The following HTR4 variants were observed in gnomAD, a reference collection of about 807,000 sequenced individuals.
The protein encoded by HTR4 is 5-hydroxytryptamine receptor 4.
A neutral mutation model predicts 36.8 loss-of-function variants in HTR4; 16 were observed. The ratio of observed to expected loss-of-function variants is 0.43; its 90% CI spans 0.29 to 0.66. HTR4 has a LOEUF of 0.66. HTR4 is among the 30% of genes least tolerant of loss of function. The pLI is 0.13. For synonymous variants in HTR4, 189 were observed against 185.1 expected, an observed-to-expected ratio of 1.02 and a Z score of -0.17; for missense variants, 438 against 490.9, an observed-to-expected ratio of 0.89 and a Z score of 1.02.
chr5:148,605,160 G>T (rs1752094551), intron 2 of HTR4, among the ~76,000 whole-genome samples: 1 of 152,016 alleles, frequency 6.6e-6, no homozygotes, highest in Non-Finnish European at 1.5e-5. Context: ...CTGTGGCCGG[G>T]ACATTCCCCT....
chr5:148,618,856 G>C (rs1752806817), intron 2 of HTR4, among the ~76,000 whole-genome samples: 1 of 152,220 alleles, frequency 6.6e-6, no homozygotes, highest in Non-Finnish European at 1.5e-5. Flanking sequence ...CAAATTGCCT[G>C]TTATTATGAC....
chr5:148,638,915 T>C (rs1474709694), intron 1 of HTR4, among the ~76,000 whole-genome samples: 2 of 151,326 alleles, frequency 1.3e-5, no homozygotes, highest in African/African-American at 4.9e-5. Flanking sequence ...GGCGTGGTGA[T>C]ATATGCCTGT....
chr5:148,505,727 T>A (rs1336952205), intron 6 of HTR4, among the ~76,000 whole-genome samples: 2 of 151,970 alleles, frequency 1.3e-5, no homozygotes, highest in Non-Finnish European at 2.9e-5. Flanking sequence ...TATACACCAA[T>A]AACAGACAAA....
rs540023721 is a variant in HTR4 at position 148,639,122 on chromosome 5, T to C, written c.-47-2061A>G. Among the ~76,000 whole-genome samples the C allele has an allele frequency of 5.9e-5, 9 of 152,218 alleles. No individual in the cohort carries two copies. In the South Asian group the frequency reaches 1.9e-3, roughly 32 times the overall value. On this transcript the variant is annotated intron_variant, in intron 1 of 6. Transcript: ENST00000377888. ...TACTCCTGACCCTTCTCATCACCTC[T>C]GGACCCAGCATCTGGGTCCAAGCCA...
intron 2 of HTR4, among the ~76,000 whole-genome samples, chr5:148,622,891 T>A (rs17108523): frequency 0.049 from 7,386 of 152,262 alleles, 377 homozygotes; most frequent in African/African-American, 0.13. Context: ...TGGTGAATAT[T>A]TGTCATTTCA....
At chr5:148,486,117 C>G (rs1237495351) in intron 6 of HTR4, among the ~76,000 whole-genome samples, 2 of 152,298 alleles carry the variant, frequency 1.3e-5, no homozygotes, top group African/African-American at 2.4e-5. Context: ...ATGAAGGACT[C>G]ACAACGTCTC....
At chr5:148,594,801 C>T (rs1217329215) in intron 2 of HTR4, among the ~76,000 whole-genome samples, 1 of 152,132 alleles carries the variant, frequency 6.6e-6, no homozygotes, top group Admixed American at 6.6e-5. Flanking sequence ...TGTAAGTCTC[C>T]ATGAAGTTCT....
intron 2 of HTR4, among the ~76,000 whole-genome samples, chr5:148,569,915 C>G (rs1760607338): frequency 6.6e-6 from 1 of 152,042 alleles, no homozygotes; most frequent in African/African-American, 2.4e-5. Context: ...GAACTTTAAA[C>G]TACATGAATT....
intron 6 of HTR4, among the ~76,000 whole-genome samples, chr5:148,491,861 G>A (rs572445244): frequency 5.3e-5 from 8 of 152,254 alleles, no homozygotes; most frequent in African/African-American, 9.6e-5. Context: ...GGACACCAGC[G>A]GTTGTTAACC....
intron 1 of HTR4, among the ~76,000 whole-genome samples, chr5:148,652,768 C>A (rs926214699): frequency 6.6e-6 from 1 of 152,052 alleles, no homozygotes. Context: ...AAGGATATTT[C>A]CCACAGGAGG....
chr5:148,500,042 G>T (rs1756867053), intron 6 of HTR4, among the ~76,000 whole-genome samples: 1 of 152,084 alleles, frequency 6.6e-6, no homozygotes, highest in Non-Finnish European at 1.5e-5. Context: ...TCTTTTCCTT[G>T]TAAATTACCC....
chr5:148,607,509 T>C (rs1752228466), intron 2 of HTR4, among the ~76,000 whole-genome samples: 1 of 152,134 alleles, frequency 6.6e-6, no homozygotes, highest in African/African-American at 2.4e-5. Flanking sequence ...CCAACATCAT[T>C]TCCACTTTCT....
intron 5 of HTR4, among the ~76,000 whole-genome samples, chr5:148,455,863 T>G (rs555368871): frequency 2.6e-5 from 4 of 152,252 alleles, no homozygotes; most frequent in African/African-American, 9.6e-5. Flanking sequence ...CTATTTGTAA[T>G]GTGGAAGTGG....
At chr5:148,458,130 A>C (rs1755168751) in intron 5 of HTR4, among the ~76,000 whole-genome samples, 1 of 140,184 alleles carries the variant, frequency 7.1e-6, no homozygotes, top group African/African-American at 2.6e-5. Flanking sequence ...AAAATATAAT[A>C]TATTTTAATA....
At position 148,551,685 on chromosome 5, in the gene HTR4, T is replaced by C. The variant is rs529629612; in HGVS notation, c.27-1423A>G. On this transcript the variant is annotated intron_variant, in intron 2 of 6. Coordinates refer to ENST00000377888, the MANE Select transcript of HTR4 (RefSeq NM_000870.7). ...AATCTTTTGGCTTCCCTGGTCCACA[T>C]TGGAAGAAGAATTGTCGTGGGTCAC... 2.4e-4 allele frequency among the ~76,000 whole-genome samples: 37 copies of C among 152,280 alleles called. No homozygotes were observed. The South Asian group carries it at 5.4e-3, about 22-fold the overall frequency.
downstream of HTR4, among the ~76,000 whole-genome samples, chr5:148,479,985 G>T (rs1755826012): frequency 6.6e-6 from 1 of 152,000 alleles, no homozygotes. Context: ...AAGTTATCAG[G>T]TTCAATATCT....
At chr5:148,615,596 G>T (rs1300992246) in intron 2 of HTR4, among the ~76,000 whole-genome samples, 2 of 150,142 alleles carry the variant, frequency 1.3e-5, no homozygotes, top group African/African-American at 4.9e-5. Flanking sequence ...CGAGTTAGTG[G>T]GTGTAGCACA....
chr5:148,462,169 G>C (rs1464897260), intron 5 of HTR4, among the ~76,000 whole-genome samples: 2 of 151,718 alleles, frequency 1.3e-5, no homozygotes, highest in Non-Finnish European at 2.9e-5. Flanking sequence ...AAAAATTAAG[G>C]GAGAATTCAG....
intron 1 of HTR4, among the ~76,000 whole-genome samples, chr5:148,638,637 C>T (rs1011810824): frequency 1.4e-4 from 22 of 152,016 alleles, no homozygotes; most frequent in Non-Finnish European, 2.8e-4. Flanking sequence ...ACACAAAAAC[C>T]TGCTCTTCCC....
Sources: gnomAD v4.1 joint callset for allele counts (sites outside exome capture counted in the v4.1 genomes callset) on GRCh38, gnomAD v4.1.1 for gene constraint, MANE v1.5 for transcripts, NCBI Gene and HGNC (gene_info 2026-07-23, HGNC 2026-07-21) for gene names.